SORBS2: variants seen among roughly 807,000 people sequenced by gnomAD.
The protein encoded by SORBS2 is sorbin and SH3 domain-containing protein 2.
Under a neutral mutation model 97.7 loss-of-function variants are expected in SORBS2, and 46 were observed. That is an observed-to-expected ratio of 0.47 (90% confidence interval 0.37 to 0.60). SORBS2 has a LOEUF of 0.60. Among genes scored for constraint, SORBS2 ranks in the 20% least tolerant of loss-of-function variants. The pLI, the probability that SORBS2 is intolerant of heterozygous loss-of-function variation, is 0.00. For synonymous variants in SORBS2, 476 were observed against 473.4 expected (o/e 1.01, Z -0.07); for missense variants, 1,316 against 1,282.3 (o/e 1.03, Z -0.40).
At chr4:185,867,905 A>G (rs2099227886) in intron 1 of SORBS2, among the ~76,000 whole-genome samples, 1 of 152,074 alleles carries the variant, frequency 6.6e-6, no homozygotes, top group African/African-American at 2.4e-5. Flanking sequence ...CAGGGGTCCC[A>G]CCAACTATTC....
intron 12 of SORBS2, among the ~76,000 whole-genome samples, chr4:185,605,482 C>A (rs1267311832): frequency 6.6e-6 from 1 of 151,310 alleles, no homozygotes; most frequent in Non-Finnish European, 1.5e-5. Flanking sequence ...GGGGGTTTTA[C>A]CATGTTGGAC....
intron 1 of SORBS2, among the ~76,000 whole-genome samples, chr4:185,891,891 G>A (rs893349310): frequency 2.6e-5 from 4 of 152,078 alleles, no homozygotes; most frequent in Admixed American, 2.0e-4. Flanking sequence ...TGGGAGTGCA[G>A]TGGCGCGATC....
chr4:185,711,651 A>T (rs2098421587), intron 2 of SORBS2, among the ~76,000 whole-genome samples: 1 of 152,108 alleles, frequency 6.6e-6, no homozygotes, highest in Admixed American at 6.5e-5. Context: ...ATCCTTCCCC[A>T]TCCAAATTCC....
At chr4:185,658,647 T>G (rs1159490898), upstream of SORBS2, among the ~76,000 whole-genome samples, 3 of 151,828 alleles carry the variant, frequency 2.0e-5, no homozygotes, top group Non-Finnish European at 2.9e-5. Context: ...ATATATATCA[T>G]GTATAAATGT....
intron 1 of SORBS2, among the ~76,000 whole-genome samples, chr4:185,911,011 C>CATT (rs2099254742): frequency 6.6e-6 from 1 of 151,638 alleles, no homozygotes; most frequent in African/African-American, 2.4e-5. Context: ...TGCATTGAGT[C>CATT]ATTTAATATT....
At chr4:185,785,128 A>C (rs1375507701) in intron 1 of SORBS2, among the ~76,000 whole-genome samples, 3 of 152,068 alleles carry the variant, frequency 2.0e-5, no homozygotes, top group Admixed American at 2.0e-4. Context: ...GGAGTTTTTA[A>C]ATCTAAATTG....
At chr4:185,890,962 G>GAATGAATGAATT (rs1385297979) in intron 1 of SORBS2, among the ~76,000 whole-genome samples, 1 of 152,014 alleles carries the variant, frequency 6.6e-6, no homozygotes, top group Non-Finnish European at 1.5e-5. Context: ...ATGAATGAAT[G>GAATGAATGAATT]AACGAATGAA....
intron 1 of SORBS2, among the ~76,000 whole-genome samples, chr4:185,842,912 C>A (rs562331253): frequency 2.3e-5 from 3 of 131,118 alleles, no homozygotes; most frequent in Non-Finnish European, 3.1e-5. Context: ...TCCAGCCTGG[C>A]GACAGAGAAA....
chr4:185,934,380 C>T (rs1235342019), intron 1 of SORBS2, among the ~76,000 whole-genome samples: 3 of 152,184 alleles, frequency 2.0e-5, no homozygotes, highest in Admixed American at 1.3e-4. Flanking sequence ...TGAAGACACC[C>T]TTCTAGAATA....
intron 2 of SORBS2, among the ~76,000 whole-genome samples, chr4:185,686,835 G>A (rs1408839373): frequency 6.6e-6 from 1 of 152,236 alleles, no homozygotes; most frequent in Non-Finnish European, 1.5e-5. Context: ...GGCTGCACTG[G>A]TGCATTCATG....
At chr4:185,888,487 C>A (rs1008676720) in intron 1 of SORBS2, among the ~76,000 whole-genome samples, 1 of 152,148 alleles carries the variant, frequency 6.6e-6, no homozygotes, top group African/African-American at 2.4e-5. Flanking sequence ...TGTAACCCCA[C>A]CTCCATCTTG....
intron 1 of SORBS2, among the ~76,000 whole-genome samples, chr4:185,839,041 A>G (rs2099209904): frequency 6.6e-6 from 1 of 152,218 alleles, no homozygotes; most frequent in Non-Finnish European, 1.5e-5. Flanking sequence ...CTGACTCTTC[A>G]AGGCCCCAAC....
At chr4:185,855,886 A>G (rs1245337921) in intron 1 of SORBS2, among the ~76,000 whole-genome samples, 2 of 152,200 alleles carry the variant, frequency 1.3e-5, no homozygotes, top group African/African-American at 4.8e-5. Context: ...AAGTTGTCAA[A>G]AGATGACAAG....
Position 185,673,192 on chromosome 4 carries a change from G to A in SORBS2, c.-46+5231C>T, listed in dbSNP as rs145512005. On this transcript the variant is annotated intron_variant, in intron 4 of 20. Transcript: ENST00000284776. ...GGAAGGGGGATATGAGTTGCTATTCGGTGGGCATAAAGTTTTAGTTATGCA... is the reference window on the plus strand; with the variant it reads ...GGAAGGGGGATATGAGTTGCTATTCAGTGGGCATAAAGTTTTAGTTATGCA... 6.3e-3 allele frequency among the ~76,000 whole-genome samples: 962 copies of A among 152,262 alleles called. 6 individuals are homozygous for A. Among genetic ancestry groups the A allele is most frequent in the African/African-American group, 0.021 (856 of 41,536 alleles).
At chr4:185,615,601 A>G (rs2096615433) in intron 9 of SORBS2, among the ~76,000 whole-genome samples, 1 of 152,160 alleles carries the variant, frequency 6.6e-6, no homozygotes, top group Admixed American at 6.5e-5. Flanking sequence ...ACATGAAGGA[A>G]AACAAATATC....
intron 1 of SORBS2, among the ~76,000 whole-genome samples, chr4:185,909,778 G>C (rs1192471801): frequency 6.7e-6 from 1 of 150,274 alleles, no homozygotes; most frequent in Non-Finnish European, 1.5e-5. Flanking sequence ...TGACACAGTT[G>C]ATTTTTCTGC....
chr4:185,923,844 A>G (rs1222668148), intron 1 of SORBS2, among the ~76,000 whole-genome samples: 1 of 152,220 alleles, frequency 6.6e-6, no homozygotes, highest in Non-Finnish European at 1.5e-5. Context: ...ATTTAAAAGA[A>G]CTAAAGAAGA....
intron 1 of SORBS2, among the ~76,000 whole-genome samples, chr4:185,815,674 G>A (rs2099192895): frequency 1.3e-5 from 2 of 152,120 alleles, no homozygotes; most frequent in Non-Finnish European, 2.9e-5. Flanking sequence ...GAGAGAGAGA[G>A]AGAGCTATCT....
chr4:185,821,299 G>A (rs527457690), intron 1 of SORBS2, among the ~76,000 whole-genome samples: 1 of 152,318 alleles, frequency 6.6e-6, no homozygotes, highest in East Asian at 1.9e-4. Flanking sequence ...CCTGTGTTGT[G>A]GCAGGAAGCA....
Sources: allele counts gnomAD v4.1 joint callset (sites outside exome capture counted in the v4.1 genomes callset), GRCh38; gene constraint gnomAD v4.1.1; transcripts MANE v1.5; gene names NCBI Gene and HGNC (gene_info 2026-07-23, HGNC 2026-07-21).